Variants in CDH4 observed in about 807,000 individuals in gnomAD.
CDH4 encodes cadherin-4.
A neutral mutation model predicts 86.0 loss-of-function variants in CDH4; 33 were observed. The ratio of observed to expected loss-of-function variants is 0.38; its 90% CI spans 0.29 to 0.51. CDH4 has a LOEUF of 0.51. Ranked by LOEUF, CDH4 falls within the 20% of genes least tolerant of loss-of-function variation. The pLI is 0.86. For missense variants in CDH4, 1,114 were observed against 1,307.4 expected (o/e 0.85, Z 2.28); for synonymous variants, 555 against 549.4 (o/e 1.01, Z -0.14).
chr20:61,915,852 G>T (rs114373533), intron 9 of CDH4, among the ~76,000 whole-genome samples: 1,561 of 152,240 alleles, frequency 0.01, 32 homozygotes, highest in African/African-American at 0.036. Flanking sequence ...ACATTCCTGA[G>T]AGTGACTCTT....
intron 2 of CDH4, among the ~76,000 whole-genome samples, chr20:61,580,123 A>C (rs1462320763): frequency 7.9e-6 from 1 of 127,300 alleles, no homozygotes; most frequent in East Asian, 2.0e-4. Flanking sequence ...ACACTGCTAC[A>C]AAAAAAAAAA....
In CDH4 at chr20:61,829,593, G is replaced by A. The variant is rs1396054850; in HGVS notation, c.577-15075G>A. Among the ~76,000 whole-genome samples, 3 of 152,226 alleles carry A rather than the reference G, an allele frequency of 2.0e-5. No homozygotes were observed. Among genetic ancestry groups the A allele is most frequent in the Non-Finnish European group, 2.9e-5 (2 of 68,038 alleles). The stretch of plus-strand genomic sequence containing the variant: ...CGAGCCTGTTTTCCACGGCGGCTCT[G>A]CGGGCCTCCTGTTGAGGAAGCCCTG... On this transcript the variant is annotated intron_variant, in intron 4 of 15. Coordinates refer to ENST00000614565, the MANE Select transcript of CDH4 (RefSeq NM_001794.5). This position sits in a 1 kb window ranked among gnomAD's most constrained non-coding sequence, Gnocchi z 4.2.
chr20:61,846,332 G>A (rs1196751299), intron 5 of CDH4, among the ~76,000 whole-genome samples: 4 of 152,220 alleles, frequency 2.6e-5, no homozygotes, highest in East Asian at 1.9e-4. Context: ...CAGAGACTCC[G>A]GCTGACGCCC....
At chr20:61,788,411 C>G (rs1304526796) in intron 4 of CDH4, among the ~76,000 whole-genome samples, 1 of 152,182 alleles carries the variant, frequency 6.6e-6, no homozygotes, top group Non-Finnish European at 1.5e-5. Flanking sequence ...TTTCTCCTGG[C>G]TTGGAAGGGA....
intron 2 of CDH4, among the ~76,000 whole-genome samples, chr20:61,553,367 C>T (rs7271829): frequency 0.53 from 80,418 of 152,210 alleles, 24,916 homozygotes; most frequent in African/African-American, 0.87. Flanking sequence ...TGAAGATGGT[C>T]GTGCAACCTT....
chr20:61,585,939 AGGT>A (rs965475594), intron 2 of CDH4, among the ~76,000 whole-genome samples: 2 of 144,100 alleles, frequency 1.4e-5, no homozygotes, highest in African/African-American at 5.3e-5. Context: ...GATGGTGATG[AGGT>A]GGTGATGAGG....
intron 2 of CDH4, among the ~76,000 whole-genome samples, chr20:61,731,290 C>T (rs1013925502): frequency 6.6e-6 from 1 of 152,126 alleles, no homozygotes; most frequent in East Asian, 1.9e-4. Context: ...CTCGGCCCCC[C>T]GGCGGCCCCT....
At position 61,701,349 on chromosome 20, in the gene CDH4, T is replaced by C. The variant is rs537734325; in HGVS notation, c.170-42214T>C. Among the ~76,000 whole-genome samples, 22 of 152,328 alleles carry C rather than the reference T, an allele frequency of 1.4e-4. 1 individual carries two copies. The highest frequency in any genetic ancestry group is 4.6e-4 in the African/African-American group (19 of 41,586). On this transcript the variant is annotated intron_variant, in intron 2 of 15. Coordinates refer to ENST00000614565, the MANE Select transcript of CDH4 (RefSeq NM_001794.5). ...AATGTATGAATTGCAGGGGACAGAA[T>C]TGAACCCATAACAAGCGAGTGAATG... is the stretch of plus-strand genomic sequence containing the variant.
At chr20:61,581,561 G>A (rs2086428672) in intron 2 of CDH4, among the ~76,000 whole-genome samples, 1 of 152,092 alleles carries the variant, frequency 6.6e-6, no homozygotes, top group African/African-American at 2.4e-5. Flanking sequence ...CTCATGGTCA[G>A]TGAGGCAGCC....
In CDH4 at chr20:61,874,623, G is replaced by A. The variant is rs140553229; in HGVS notation, c.1050+723G>A. Among the ~76,000 whole-genome samples the A allele has an allele frequency of 6.6e-3, 1,011 of 152,286 alleles. 5 individuals are homozygous for A. The highest frequency in any genetic ancestry group is 0.023 in the African/African-American group (946 of 41,562). ...GCGCATCTCCAGCACTGGGCTGTGC[G>A]TTCCCAGAAGATTCACCACCCGCCC... On this transcript the variant is annotated intron_variant, in intron 7 of 15. Coordinates refer to ENST00000614565, the MANE Select transcript of CDH4 (RefSeq NM_001794.5).
chr20:61,460,662 T>C (rs1226336749), intron 2 of CDH4, among the ~76,000 whole-genome samples: 1 of 151,982 alleles, frequency 6.6e-6, no homozygotes, highest in African/African-American at 2.4e-5. Flanking sequence ...GGAGGAAACA[T>C]GTTGAGTGGG....
At chr20:61,408,057 G>C (rs2085093875) in intron 2 of CDH4, among the ~76,000 whole-genome samples, 1 of 152,190 alleles carries the variant, frequency 6.6e-6, no homozygotes, top group Admixed American at 6.5e-5. Flanking sequence ...GGGGAAGTCT[G>C]TTTCCTCATC....
intron 2 of CDH4, 141 bp downstream of exon 2, chr20:61,255,078 G>T: frequency 1.6e-6 from 1 of 632,846 alleles, no homozygotes. Flanking sequence ...GGTGCAAATT[G>T]GTTGACCTGA....
In CDH4 at chr20:61,869,762, G is replaced by A. The variant is rs190287167; in HGVS notation, c.878-3966G>A. ...AATCACACAGCAGCAGGCCCCTTCC[G>A]CCGAGGGACTGCTTGGAGGAGGCAG... is the stretch of plus-strand genomic sequence containing the variant. On this transcript the variant is annotated intron_variant, in intron 6 of 15. Coordinates refer to ENST00000614565, the MANE Select transcript of CDH4 (RefSeq NM_001794.5). Among the ~76,000 whole-genome samples, 1,000 of 152,286 alleles carry A rather than the reference G, an allele frequency of 6.6e-3. 7 individuals carry two copies. Among genetic ancestry groups the A allele is most frequent in the Non-Finnish European group, 7.6e-3 (518 of 68,008 alleles).
chr20:61,513,477 T>A (rs1310824002), intron 2 of CDH4, among the ~76,000 whole-genome samples: 2 of 152,094 alleles, frequency 1.3e-5, no homozygotes, highest in East Asian at 3.9e-4. Flanking sequence ...TGCCATCCTC[T>A]CCAGGCTGCA....
chr20:61,750,958 A>T (rs899506698), intron 3 of CDH4, among the ~76,000 whole-genome samples: 17 of 152,232 alleles, frequency 1.1e-4, no homozygotes, highest in Admixed American at 7.2e-4. Context: ...GAGAAAAATT[A>T]AAGAACTATA....
At chr20:61,441,994 A>G (rs2085317067) in intron 2 of CDH4, among the ~76,000 whole-genome samples, 1 of 152,206 alleles carries the variant, frequency 6.6e-6, no homozygotes, top group Admixed American at 6.5e-5. Context: ...TTTCAAATCC[A>G]ATCGTTTGTA....
intron 2 of CDH4, among the ~76,000 whole-genome samples, chr20:61,410,407 A>G (rs1267225165): frequency 1.3e-5 from 2 of 150,290 alleles, no homozygotes; most frequent in Admixed American, 1.3e-4. Context: ...TCATCCATCT[A>G]CACATCCATC....
chr20:61,275,297 G>A (rs1202374481), intron 2 of CDH4, among the ~76,000 whole-genome samples: 5 of 139,168 alleles, frequency 3.6e-5, no homozygotes, highest in African/African-American at 5.5e-5. Context: ...GGAGCACCGT[G>A]CGCAGTTTGG....
Sources: gnomAD v4.1 joint callset for allele counts (sites outside exome capture counted in the v4.1 genomes callset) on GRCh38, gnomAD v4.1.1 for gene constraint, Gnocchi (gnomAD v3.1) non-coding constraint, MANE v1.5 for transcripts, NCBI Gene and HGNC (gene_info 2026-07-23, HGNC 2026-07-21) for gene names.